Variants in FRG1 observed in about 807,000 individuals in gnomAD.
The protein encoded by FRG1 is FSHD region gene 1, also known as protein FRG1.
In FRG1, 19 loss-of-function variants were observed where a neutral mutation model predicts 37.0. That is an observed-to-expected ratio of 0.51 (90% CI 0.36 to 0.75). The LOEUF (loss-of-function observed/expected upper bound fraction) is 0.75, where lower values mean the gene tolerates loss of function less well. Ranked by LOEUF, FRG1 falls within the 30% of genes least tolerant of loss-of-function variation. FRG1 has a pLI of 0.00. For synonymous variants in FRG1, 73 were observed against 96.5 expected (o/e 0.76, Z 1.43); for missense variants, 243 against 301.4 (o/e 0.81, Z 1.44).
At chr4:189,941,863 A>G (rs1244016328) in intron 1 of FRG1, 1 of 444,026 alleles carries the variant, frequency 2.3e-6, no homozygotes, top group East Asian at 7.4e-5. Context: ...AATGTCGAGT[A>G]TTTCCTCCTG....
chr4:189,949,669 ATTATAT>A (rs1392238036), intron 2 of FRG1, among the ~76,000 whole-genome samples: 79 of 152,258 alleles, frequency 5.2e-4, no homozygotes, highest in South Asian at 1.0e-3. Flanking sequence ...ATCATTAACT[ATTATAT>A]TTATAAGAAA....
intron 6 of FRG1, among the ~76,000 whole-genome samples, chr4:189,958,605 C>T (rs796181954): frequency 6.6e-5 from 10 of 152,254 alleles, no homozygotes; most frequent in South Asian, 4.1e-4. Context: ...CGTAGTCAGA[C>T]GCGTTATCCA....
At position 189,953,070 on chromosome 4, in the gene FRG1, G is replaced by A. The variant is rs1425299904; in HGVS notation, c.262G>A (p.Asp88Asn). Residue 88 changes from aspartate to asparagine, a missense_variant and splice_region_variant, in exon 4 of 9, where the codon GAT (aspartate) becomes AAT (asparagine). Coordinates refer to ENST00000226798, the MANE Select transcript of FRG1 (RefSeq NM_004477.3). ...TTCAAATGTTTTTTCTCCAATAGTT[G>A]ATGAGGGCCCTAGTCCTCCAGAGCA... ...FTLGAPHKEV[D>N]EGPSPPEQFT... 1 of 1,579,156 alleles carries A rather than the reference G, an allele frequency of 6.3e-7. No individual in the cohort carries two copies. Among genetic ancestry groups the A allele is most frequent in the East Asian group, 2.3e-5 (1 of 43,234 alleles).
chr4:189,940,936 C>G lies in FRG1; in HGVS notation c.-74C>G. 8.3e-7 allele frequency: 1 copy of G among 1,202,294 alleles called. No individual in the cohort carries two copies. Among genetic ancestry groups the G allele is most frequent in the African/African-American group, 1.6e-5 (1 of 63,266 alleles). The allele number at this position is 1,202,294 out of a possible 1,614,324, so 74.5% of individuals were successfully genotyped here. On this transcript the variant is annotated 5_prime_UTR_variant, in exon 1 of 9. Coordinates refer to ENST00000226798, the MANE Select transcript of FRG1 (RefSeq NM_004477.3). ...TCGCGTCCGCTTCTGTTTCTCCGCG[C>G]CCCTGTGCTGCCCCGACTCACATAC...
At chr4:189,943,064 A>T (rs1313663319) in intron 1 of FRG1, 138 bp from the exon 2 acceptor site, 8 of 890,148 alleles carry the variant, frequency 9.0e-6, no homozygotes, top group Non-Finnish European at 1.3e-5. Context: ...TGTATTTAAG[A>T]GGGCATATCA....
chr4:189,944,478 T>C (rs1736445838), intron 2 of FRG1, among the ~76,000 whole-genome samples: 1 of 152,212 alleles, frequency 6.6e-6, no homozygotes, highest in East Asian at 1.9e-4. Context: ...CTAAGAGATC[T>C]TTGCTTACCC....
rs1737244498 is a variant in FRG1 at position 189,961,733 on chromosome 4, AAAAG to A, written c.630-85_630-82del. 28 of 631,754 alleles carry A rather than the reference AAAAG, an allele frequency of 4.4e-5. 1 individual carries two copies. The South Asian group carries it at 5.9e-4, about 13-fold the overall frequency. The allele number at this position is 631,754 out of a possible 1,614,324, so 39.1% of individuals were successfully genotyped here. The stretch of plus-strand genomic sequence containing the variant: ...TACAATTAGACTTTTTTACAAGTGA[AAAAG>A]AAATTAACAGTATTTATAAATTTAA... On this transcript the variant is annotated intron_variant, in intron 7 of 8. Coordinates refer to ENST00000226798, the MANE Select transcript of FRG1 (RefSeq NM_004477.3).
chr4:189,952,142 A>C lies in FRG1; in HGVS notation c.134-20A>C. ...GTCAAAACTAAAATATAAAGTTGAA[A>C]TATTGATTTTATTTTTTAGGAATCT... is the stretch of plus-strand genomic sequence containing the variant. On this transcript the variant is annotated intron_variant, in intron 2 of 8. Transcript: ENST00000226798. The C allele has an allele frequency of 3.3e-6, 5 of 1,519,680 alleles. No homozygotes were observed. The South Asian group carries it at 5.1e-5, about 15-fold the overall frequency. The allele number at this position is 1,519,680 out of a possible 1,614,324, so 94.1% of individuals were successfully genotyped here. A position where few individuals can be genotyped will look rare whatever the true frequency, so the allele number is the denominator to read the frequency against.
At chr4:189,941,850 A>G (rs1736321139) in intron 1 of FRG1, 1 of 442,920 alleles carries the variant, frequency 2.3e-6, no homozygotes, top group African/African-American at 2.0e-5. Flanking sequence ...CGAGGTACAT[A>G]CAAATGTCGA....
intron 5 of FRG1, among the ~76,000 whole-genome samples, chr4:189,955,668 AATTCTT>A (rs1363594351): frequency 6.6e-6 from 1 of 151,860 alleles, no homozygotes; most frequent in African/African-American, 2.4e-5. Context: ...ATAATATACT[AATTCTT>A]AATTTTAGTA....
intron 3 of FRG1, 105 bp from the exon 4 acceptor site, chr4:189,952,963 T>C: frequency 6.9e-7 from 1 of 1,442,512 alleles, no homozygotes; most frequent in Admixed American, 2.9e-5. Flanking sequence ...TGAATATTCT[T>C]ACATTTAATT....
At chr4:189,959,390 A>G (rs1182322212) in intron 6 of FRG1, among the ~76,000 whole-genome samples, 3 of 152,254 alleles carry the variant, frequency 2.0e-5, no homozygotes, top group South Asian at 2.1e-4. Context: ...CCCTCCTTAC[A>G]TCCTCGTGGT....
chr4:189,947,791 T>C (rs1380358766), intron 2 of FRG1, among the ~76,000 whole-genome samples: 1 of 152,222 alleles, frequency 6.6e-6, no homozygotes, highest in Non-Finnish European at 1.5e-5. Flanking sequence ...CAGTACCTTA[T>C]TCTATAAACT....
At chr4:189,941,405 T>G (rs1736293124) in intron 1 of FRG1, among the ~76,000 whole-genome samples, 1 of 152,218 alleles carries the variant, frequency 6.6e-6, no homozygotes, top group Non-Finnish European at 1.5e-5. Context: ...ATAATTTCCT[T>G]TATTAGGGAT....
Position 189,943,235 on chromosome 4 carries a change from AAG to A in FRG1, c.100_101del (p.Glu34ArgfsTer3), listed in dbSNP as rs1226981803. 1.9e-6 allele frequency: 3 copies of A among 1,608,216 alleles called. No individual in the cohort carries two copies. Among genetic ancestry groups the A allele is most frequent in the East Asian group, 2.2e-5 (1 of 44,720 alleles). On this transcript the variant is annotated frameshift_variant, in exon 2 of 9. Transcript: ENST00000226798. LOFTEE classifies it high-confidence loss of function. ...AAAAGAGCAAAGATAAGAAAAGAAA[AAG>A]AGAAGAAGATGAAGAAACCCAGCTT... Reference protein sequence around the residue: ...KKKSKDKKRKREEDEETQLDI... With the variant: ...KKKSKDKKRKXEEDEETQLDI...
chr4:189,961,705 G>T (rs1265229490), intron 7 of FRG1, 117 bp from the exon 8 acceptor site: 3 of 558,524 alleles, frequency 5.4e-6, no homozygotes, highest in South Asian at 2.7e-5. Context: ...ACTGCGCCTG[G>T]CCTACAATTA....
rs7684300 is a variant in FRG1, at chr4:189,955,040, C to T, written c.321C>T (p.Ile107=). ...TATCTATGTTATTAATGTACAGAATCGCCCTGAAGTCTGGCTATGGAAAAT... is the reference window on the plus strand; with the variant it reads ...TATCTATGTTATTAATGTACAGAATTGCCCTGAAGTCTGGCTATGGAAAAT... ...FTAVKLSDSR[I]ALKSGYGKYL... Residue 107 remains isoleucine, a synonymous_variant, in exon 5 of 9, where the codon ATC becomes ATT. Coordinates refer to ENST00000226798, the MANE Select transcript of FRG1 (RefSeq NM_004477.3). 484,220 of 1,590,106 alleles carry T rather than the reference C, an allele frequency of 0.3. 75,630 individuals are homozygous for T. Among genetic ancestry groups the T allele is most frequent in the Middle Eastern group, 0.41 (2,453 of 6,006 alleles).
intron 2 of FRG1, among the ~76,000 whole-genome samples, chr4:189,947,329 G>A (rs1239987351): frequency 2.6e-5 from 4 of 152,218 alleles, no homozygotes; most frequent in Non-Finnish European, 5.9e-5. Context: ...GCCGTCATGT[G>A]TACACATTTA....
At chr4:189,951,939 T>C (rs57555929) in intron 2 of FRG1, among the ~76,000 whole-genome samples, 13,625 of 152,210 alleles carry the variant, frequency 0.09, 1,945 homozygotes, top group African/African-American at 0.3. Context: ...GAAATCTGAA[T>C]AAGCTTCATG....
Sources: gnomAD v4.1 joint callset for allele counts (sites outside exome capture counted in the v4.1 genomes callset) on GRCh38, gnomAD v4.1.1 for gene constraint, MANE v1.5 for transcripts, NCBI Gene and HGNC (gene_info 2026-07-23, HGNC 2026-07-21) for gene names.